The following EFCAB6 variants were observed in gnomAD, a reference collection of about 807,000 sequenced individuals.
EFCAB6 encodes EF-hand calcium binding domain 6.
In EFCAB6, 156 loss-of-function variants were observed where a neutral mutation model predicts 169.8. The ratio of observed to expected loss-of-function variants is 0.92; its 90% CI spans 0.81 to 1.05. EFCAB6 has a LOEUF of 1.05. EFCAB6 is among the 50% of genes least tolerant of loss of function. The pLI, the probability that EFCAB6 is intolerant of heterozygous loss-of-function variation, is 0.00. For synonymous variants in EFCAB6, 698 were observed against 676.4 expected (o/e 1.03, Z -0.50); for missense variants, 1,800 against 1,829.1 (o/e 0.98, Z 0.29).
chr22:43,571,052 AG>A (rs1335276798), intron 26 of EFCAB6, among the ~76,000 whole-genome samples: 1 of 152,232 alleles, frequency 6.6e-6, no homozygotes, highest in African/African-American at 2.4e-5. Flanking sequence ...CAAGCCACAC[AG>A]CAGGGGCAGG....
At chr22:43,592,469 T>C (rs1336638117) in intron 23 of EFCAB6, among the ~76,000 whole-genome samples, 1 of 152,226 alleles carries the variant, frequency 6.6e-6, no homozygotes, top group Non-Finnish European at 1.5e-5. Context: ...TTTTTTGAGA[T>C]ACATATTTTT....
chr22:43,587,548 A>C (rs2051158307), intron 24 of EFCAB6, among the ~76,000 whole-genome samples: 1 of 151,854 alleles, frequency 6.6e-6, no homozygotes, highest in Admixed American at 6.6e-5. Context: ...TGGCCACATC[A>C]CTCTACTCTT....
intron 29 of EFCAB6, chr22:43,535,968 A>G (rs976849187): frequency 1.3e-5 from 2 of 152,242 alleles, no homozygotes; most frequent in African/African-American, 2.4e-5. Context: ...TCTGACTCAC[A>G]GAAGGCCATC....
intron 23 of EFCAB6, among the ~76,000 whole-genome samples, chr22:43,593,179 G>A (rs546683288): frequency 1.5e-4 from 23 of 152,178 alleles, no homozygotes; most frequent in Non-Finnish European, 1.8e-4. Context: ...TTTACAAGCC[G>A]ATATTTTTGA....
chr22:43,750,020 G>C (rs1411968279), intron 6 of EFCAB6, among the ~76,000 whole-genome samples: 1 of 152,108 alleles, frequency 6.6e-6, no homozygotes, highest in Admixed American at 6.5e-5. Flanking sequence ...GCTTGGACTT[G>C]CTAAGGCCAG....
At chr22:43,658,662 C>A (rs1276979527) in intron 17 of EFCAB6, among the ~76,000 whole-genome samples, 4 of 152,068 alleles carry the variant, frequency 2.6e-5, no homozygotes, top group Non-Finnish European at 5.9e-5. Flanking sequence ...GGGAACGTGC[C>A]CTTCGGGGCA....
At chr22:43,596,634 A>G (rs1166143838) in intron 23 of EFCAB6, among the ~76,000 whole-genome samples, 1 of 152,182 alleles carries the variant, frequency 6.6e-6, no homozygotes, top group African/African-American at 2.4e-5. Context: ...TCCCTTGCTC[A>G]TGGATTGAAA....
intron 21 of EFCAB6, among the ~76,000 whole-genome samples, chr22:43,612,871 C>T (rs2053414743): frequency 6.7e-6 from 1 of 148,388 alleles, no homozygotes; most frequent in African/African-American, 2.5e-5. Context: ...TCCAGCCTGG[C>T]AGACAGAGTG....
At chr22:43,739,316 G>C (rs564240181) in intron 6 of EFCAB6, among the ~76,000 whole-genome samples, 2 of 152,214 alleles carry the variant, frequency 1.3e-5, no homozygotes, top group East Asian at 3.9e-4. Flanking sequence ...TTGCTACTTA[G>C]CTTCCAGAGC....
intron 2 of EFCAB6, among the ~76,000 whole-genome samples, chr22:43,783,238 G>A (rs2061895499): frequency 6.6e-6 from 1 of 152,160 alleles, no homozygotes; most frequent in African/African-American, 2.4e-5. Context: ...CTGAATAGGT[G>A]GATAACGGGG....
intron 23 of EFCAB6, among the ~76,000 whole-genome samples, chr22:43,594,380 A>C (rs1391780847): frequency 6.6e-6 from 1 of 152,106 alleles, no homozygotes; most frequent in Non-Finnish European, 1.5e-5. Context: ...ACCCAACTAT[A>C]TGCTGCCTAT....
intron 24 of EFCAB6, among the ~76,000 whole-genome samples, chr22:43,581,932 T>C (rs1381310796): frequency 1.3e-5 from 2 of 152,212 alleles, no homozygotes; most frequent in Non-Finnish European, 2.9e-5. Context: ...ATCTCAGTAG[T>C]ATTTAGAAAA....
intron 20 of EFCAB6, among the ~76,000 whole-genome samples, chr22:43,621,757 C>T (rs538146203): frequency 1.3e-5 from 2 of 151,998 alleles, no homozygotes; most frequent in African/African-American, 2.4e-5. Flanking sequence ...AAAGCTAGTT[C>T]TTTTAAAAGA....
chr22:43,653,204 C>T (rs1048977812), intron 17 of EFCAB6, among the ~76,000 whole-genome samples: 5 of 152,034 alleles, frequency 3.3e-5, no homozygotes, highest in Admixed American at 3.3e-4. Flanking sequence ...ACACATTAAC[C>T]TACAGATACA....
intron 3 of EFCAB6, among the ~76,000 whole-genome samples, chr22:43,780,451 C>T (rs1445294642): frequency 7.5e-6 from 1 of 132,620 alleles, no homozygotes; most frequent in East Asian, 2.2e-4. Flanking sequence ...CATGCCCTTG[C>T]ACTCCAGCCT....
chr22:43,663,589 T>C (rs749760967), intron 17 of EFCAB6, among the ~76,000 whole-genome samples: 3 of 152,128 alleles, frequency 2.0e-5, no homozygotes, highest in Admixed American at 6.6e-5. Context: ...AACAAATCAC[T>C]AGGAGGAAAA....
At chr22:43,578,096 T>C (rs2050379496) in intron 25 of EFCAB6, among the ~76,000 whole-genome samples, 1 of 152,100 alleles carries the variant, frequency 6.6e-6, no homozygotes. Context: ...CACCTGGATT[T>C]GGAAAAGAAG....
At chr22:43,613,138 T>C (rs1294220327) in intron 21 of EFCAB6, among the ~76,000 whole-genome samples, 1 of 147,830 alleles carries the variant, frequency 6.8e-6, no homozygotes, top group Non-Finnish European at 1.5e-5. Context: ...ATAACATAAA[T>C]ATATAAATAT....
chr22:43,604,413 C>A (rs770219478), intron 22 of EFCAB6, among the ~76,000 whole-genome samples: 1 of 152,178 alleles, frequency 6.6e-6, no homozygotes, highest in Non-Finnish European at 1.5e-5. Context: ...GACATGAGAA[C>A]CACACTTCCT....
Sources: gnomAD v4.1 joint callset for allele counts (sites outside exome capture counted in the v4.1 genomes callset) on GRCh38, gnomAD v4.1.1 for gene constraint, MANE v1.5 for transcripts, NCBI Gene and HGNC (gene_info 2026-07-23, HGNC 2026-07-21) for gene names.